The following SPECC1 variants were observed in gnomAD, a reference collection of about 807,000 sequenced individuals.
The protein encoded by SPECC1 is cytospin-B.
Under a neutral mutation model 104.1 loss-of-function variants are expected in SPECC1, and 62 were observed. That is an observed-to-expected ratio of 0.60 (90% CI 0.49 to 0.74). The LOEUF (loss-of-function observed/expected upper bound fraction) is 0.74. Among genes scored for constraint, SPECC1 ranks in the 30% least tolerant of loss-of-function variants. SPECC1 has a pLI of 0.00. For missense variants in SPECC1, 1,306 were observed against 1,310.5 expected (o/e 1.00, Z 0.05); for synonymous variants, 513 against 501.6 (o/e 1.02, Z -0.30).
chr17:20,022,535 T>A (rs947189264), intron 1 of SPECC1, among the ~76,000 whole-genome samples: 1 of 152,220 alleles, frequency 6.6e-6, no homozygotes, highest in Admixed American at 6.5e-5. Flanking sequence ...CCCATGAACT[T>A]ACTTAGTTTT....
chr17:20,017,619 G>T lies in SPECC1; in HGVS notation c.-22+8195G>T, dbSNP rs1490015702. 4 of 152,218 alleles carry T rather than the reference G, an allele frequency of 2.6e-5. No homozygotes were observed. In the East Asian group the frequency reaches 7.7e-4, roughly 29 times the overall value. The allele number at this position is 152,218 out of a possible 1,614,324, so 9.4% of individuals were successfully genotyped here. ...CTCGCCTTACAAGTAGGTAACCATT[G>T]TTGTTAGTTACTTATGTACCTTCCA... On this transcript the variant is annotated intron_variant, in intron 1 of 14. Coordinates refer to ENST00000395527, the MANE Select transcript of SPECC1 (RefSeq NM_001243439.2).
chr17:20,242,119 T>C (rs769050701), intron 7 of SPECC1, among the ~76,000 whole-genome samples: 2 of 152,178 alleles, frequency 1.3e-5, no homozygotes, highest in Non-Finnish European at 2.9e-5. Flanking sequence ...ACTACCCAAA[T>C]GGAGTTAACC....
chr17:20,245,404 C>G (rs1460127608), intron 7 of SPECC1, among the ~76,000 whole-genome samples: 1 of 152,162 alleles, frequency 6.6e-6, no homozygotes, highest in Non-Finnish European at 1.5e-5. Flanking sequence ...CTCTCTTCCT[C>G]TGATTCAGGT....
chr17:20,096,755 C>T lies in SPECC1; in HGVS notation c.104C>T (p.Ser35Phe). Residue 35 changes from serine to phenylalanine, a missense_variant, in exon 2 of 15, where the codon TCT becomes TTT. Around this residue, in one of 2 missense-constraint regions of SPECC1, gnomAD observed 1,177 missense variants for 1,139.9 expected, o/e 1.03. Transcript: ENST00000395527. ...GCAGCCTCTTCCGGCATGAAGAGTTCTAAGTCTTCAACTTCCTTGGCTTTT... is the reference window on the plus strand; with the variant it reads ...GCAGCCTCTTCCGGCATGAAGAGTTTTAAGTCTTCAACTTCCTTGGCTTTT... The part of the protein sequence containing the change: ...LPAASSGMKS[S>F]KSSTSLAFES... The T allele has an allele frequency of 6.2e-7, 1 of 1,614,136 alleles. No homozygotes were observed. The highest frequency in any genetic ancestry group is 1.1e-5 in the South Asian group (1 of 91,078).
chr17:20,175,800 G>A (rs2034433461), intron 3 of SPECC1, among the ~76,000 whole-genome samples: 2 of 152,222 alleles, frequency 1.3e-5, no homozygotes, highest in Non-Finnish European at 2.9e-5. Flanking sequence ...CCTCTGCCGG[G>A]TGGGACAGTG....
intron 13 of SPECC1, 106 bp downstream of exon 13, chr17:20,297,183 G>A: frequency 2.3e-6 from 2 of 873,504 alleles, no homozygotes; most frequent in Non-Finnish European, 3.6e-6. Context: ...TAGAAGTTGG[G>A]ATATTGATAC....
intron 12 of SPECC1, among the ~76,000 whole-genome samples, chr17:20,283,396 T>C (rs938481507): frequency 1.3e-5 from 2 of 152,204 alleles, no homozygotes; most frequent in African/African-American, 2.4e-5. Flanking sequence ...CCCGAAACAG[T>C]GGATTACAAT....
chr17:20,027,526 T>G (rs1444600905), intron 1 of SPECC1, among the ~76,000 whole-genome samples: 2 of 152,192 alleles, frequency 1.3e-5, no homozygotes, highest in Non-Finnish European at 2.9e-5. Flanking sequence ...GCGTTTTTCC[T>G]TATGTTTTCT....
chr17:20,044,324 C>G (rs141858290), intron 1 of SPECC1, among the ~76,000 whole-genome samples: 175 of 152,238 alleles, frequency 1.1e-3, no homozygotes, highest in African/African-American at 4.1e-3. Context: ...GTATGGGATT[C>G]AGTTTGAACA....
At chr17:20,209,904 A>G (rs1181360293) in intron 4 of SPECC1, among the ~76,000 whole-genome samples, 1 of 152,232 alleles carries the variant, frequency 6.6e-6, no homozygotes, top group East Asian at 1.9e-4. Context: ...TTATCTATTT[A>G]TTCCCGTGAG....
intron 1 of SPECC1, among the ~76,000 whole-genome samples, chr17:20,082,962 GTT>G (rs2047034422): frequency 7.0e-5 from 2 of 28,636 alleles, no homozygotes; most frequent in South Asian, 6.8e-4. Flanking sequence ...TTTGGTGTTC[GTT>G]CGTTCGTTCG....
chr17:20,268,294 T>G (rs1489419363), intron 12 of SPECC1, among the ~76,000 whole-genome samples: 2 of 152,284 alleles, frequency 1.3e-5, no homozygotes, highest in Non-Finnish European at 1.5e-5. Context: ...TCTTCTCTTT[T>G]GGAGAAAAAA....
At chr17:20,093,606 A>G (rs2047499954) in intron 1 of SPECC1, among the ~76,000 whole-genome samples, 1 of 152,106 alleles carries the variant, frequency 6.6e-6, no homozygotes, top group Admixed American at 6.6e-5. Context: ...GATTGGGAGG[A>G]AACCTGAAGA....
intron 3 of SPECC1, among the ~76,000 whole-genome samples, chr17:20,124,715 C>A (rs186732772): frequency 6.6e-6 from 1 of 152,238 alleles, no homozygotes; most frequent in Non-Finnish European, 1.5e-5. Context: ...CTTAACCTTC[C>A]GAACATCATA....
chr17:20,124,125 A>G (rs2049169676), intron 3 of SPECC1, among the ~76,000 whole-genome samples: 1 of 151,928 alleles, frequency 6.6e-6, no homozygotes, highest in Non-Finnish European at 1.5e-5. Context: ...TGAGCCAGGG[A>G]TGTCAGGGAA....
chr17:20,318,980 G>T lies in SPECC1; in HGVS notation c.*4915G>T, dbSNP rs1598193196. The T allele has an allele frequency of 3.3e-5, 6 of 180,850 alleles. No homozygotes were observed. The East Asian group carries it at 5.5e-4, about 16-fold the overall frequency. 11.2% of individuals were successfully genotyped at this position (180,850 alleles called of 1,614,324 possible). ...TTTAACTATTCATAGGAAAGTGTAT[G>T]ATAAATGACTGTAATATTTCTAATA... On this transcript the variant is annotated 3_prime_UTR_variant, in exon 15 of 15. Transcript: ENST00000395527.
rs565998394 is a variant in SPECC1, at chr17:20,171,555, T to A, written c.284-32778T>A. On this transcript the variant is annotated intron_variant, in intron 3 of 14. Coordinates refer to ENST00000395527, the MANE Select transcript of SPECC1 (RefSeq NM_001243439.2). Reference sequence around the variant, plus strand: ...TTTTTTTCATTACTTAGGTTATTCCTATTTTTTTTTGAGACAGAGTCTTGC... The same window carrying A: ...TTTTTTTCATTACTTAGGTTATTCCAATTTTTTTTTGAGACAGAGTCTTGC... Among the ~76,000 whole-genome samples, 65 of 152,214 alleles carry A rather than the reference T, an allele frequency of 4.3e-4. 3 individuals are homozygous for A. In the South Asian group the frequency reaches 0.012, roughly 28 times the overall value.
intron 3 of SPECC1, among the ~76,000 whole-genome samples, chr17:20,174,036 G>A (rs1012680046): frequency 6.6e-6 from 1 of 151,728 alleles, no homozygotes; most frequent in Non-Finnish European, 1.5e-5. Flanking sequence ...AGGTTCAAGC[G>A]ATCCTCCTGC....
intron 3 of SPECC1, among the ~76,000 whole-genome samples, chr17:20,161,182 A>G (rs954003351): frequency 6.6e-6 from 1 of 152,180 alleles, no homozygotes; most frequent in Admixed American, 6.6e-5. Context: ...CTGCATTCCA[A>G]CCTGGGTGAC....
Sources: allele counts gnomAD v4.1 joint callset (sites outside exome capture counted in the v4.1 genomes callset), GRCh38; gene constraint gnomAD v4.1.1; regional missense constraint gnomAD v4.1.1; transcripts MANE v1.5; gene names NCBI Gene and HGNC (gene_info 2026-07-23, HGNC 2026-07-21).